IGF2BP3: variants seen among roughly 807,000 people sequenced by gnomAD.
IGF2BP3 encodes the protein insulin like growth factor 2 mRNA binding protein 3.
In IGF2BP3, 9 loss-of-function variants were observed where a neutral mutation model predicts 73.8. The ratio of observed to expected loss-of-function variants is 0.12; its 90% CI spans 0.07 to 0.21. The LOEUF (loss-of-function observed/expected upper bound fraction) is 0.21. Among genes scored for constraint, IGF2BP3 ranks in the 10% least tolerant of loss-of-function variants. The probability of loss-of-function intolerance (pLI) is 1.00; values close to 1 mark genes in which losing one functional copy is unlikely to be tolerated. For missense variants in IGF2BP3, 542 were observed against 714.0 expected (o/e 0.76, Z 2.75); for synonymous variants, 258 against 256.7 (o/e 1.01, Z -0.05).
chr7:23,335,986 G>C lies in IGF2BP3; in HGVS notation c.1203+6078C>G, dbSNP rs1350011479. The stretch of plus-strand genomic sequence containing the variant: ...TTGGAAGAACCAACTCTTTGGCTCT[G>C]GGGAGACTCAACCTGGCAAGTTCTG... On this transcript the variant is annotated intron_variant, in intron 10 of 14. Coordinates refer to ENST00000258729, the MANE Select transcript of IGF2BP3 (RefSeq NM_006547.3). Among the ~76,000 whole-genome samples, 6 of 152,280 alleles carry C rather than the reference G, an allele frequency of 3.9e-5. No homozygotes were observed. The East Asian group carries it at 1.2e-3, about 29-fold the overall frequency.
chr7:23,397,109 A>C (rs965901393), intron 3 of IGF2BP3, among the ~76,000 whole-genome samples: 1 of 152,206 alleles, frequency 6.6e-6, no homozygotes, highest in Non-Finnish European at 1.5e-5. Flanking sequence ...AATGAAAAGT[A>C]TGTCTCCAGG....
At chr7:23,398,895 C>A (rs1426079639) in intron 3 of IGF2BP3, among the ~76,000 whole-genome samples, 1 of 152,154 alleles carries the variant, frequency 6.6e-6, no homozygotes, top group Non-Finnish European at 1.5e-5. Context: ...TTTTGTTGTG[C>A]AGAAGCTCTT....
rs907975319 is a variant in IGF2BP3, at chr7:23,469,848, G to A, written c.175+88C>T. ...CACCCCCGCTCCCCCAGCGCGCCGG[G>A]CCTGGGGCCCGCGGAGCCACCCGGT... On this transcript the variant is annotated intron_variant, in intron 1 of 14. Coordinates refer to ENST00000258729, the MANE Select transcript of IGF2BP3 (RefSeq NM_006547.3). This position sits in a 1 kb window ranked among gnomAD's most constrained non-coding sequence, Gnocchi z 6.1. 70 of 925,848 alleles carry A rather than the reference G, an allele frequency of 7.6e-5. No homozygotes were observed. The highest frequency in any genetic ancestry group is 8.8e-5 in the Non-Finnish European group (62 of 705,642). 57.4% of individuals were successfully genotyped at this position (925,848 alleles called of 1,614,324 possible).
chr7:23,398,799 CTGGATA>C (rs1583991647), intron 3 of IGF2BP3, among the ~76,000 whole-genome samples: 1 of 152,116 alleles, frequency 6.6e-6, no homozygotes, highest in Admixed American at 6.5e-5. Context: ...ATTGTAGATT[CTGGATA>C]TTAGCCCTTT....
chr7:23,333,768 C>T (rs1191169756), intron 10 of IGF2BP3, among the ~76,000 whole-genome samples: 1 of 152,166 alleles, frequency 6.6e-6, no homozygotes, highest in Non-Finnish European at 1.5e-5. Context: ...GGAGATGCTG[C>T]CCTAGAATGA....
chr7:23,323,101 G>C (rs539570883), intron 10 of IGF2BP3, among the ~76,000 whole-genome samples: 73 of 152,158 alleles, frequency 4.8e-4, no homozygotes, highest in South Asian at 2.5e-3. Context: ...TGGACTAAAT[G>C]CTCCAATTAA....
At chr7:23,343,008 A>G (rs368623479) in intron 9 of IGF2BP3, among the ~76,000 whole-genome samples, 9 of 152,202 alleles carry the variant, frequency 5.9e-5, no homozygotes, top group Non-Finnish European at 1.2e-4. Context: ...GACTGGCCCA[A>G]TTGAAAAAAA....
intron 3 of IGF2BP3, among the ~76,000 whole-genome samples, chr7:23,384,095 C>CAAAAAAA (rs35378177): frequency 9.6e-5 from 6 of 62,520 alleles, no homozygotes; most frequent in Non-Finnish European, 1.1e-4. Flanking sequence ...GACTCCATCT[C>CAAAAAAA]AAAAAAAAAA....
At chr7:23,463,698 G>A (rs75412911) in intron 2 of IGF2BP3, among the ~76,000 whole-genome samples, 2,953 of 152,232 alleles carry the variant, frequency 0.019, 98 homozygotes, top group African/African-American at 0.068. Context: ...TCATGTTTCC[G>A]TAACATCTTC....
intron 3 of IGF2BP3, among the ~76,000 whole-genome samples, chr7:23,399,273 C>G (rs1386478528): frequency 1.3e-5 from 2 of 152,096 alleles, no homozygotes; most frequent in Non-Finnish European, 1.5e-5. Flanking sequence ...ATCTATACCT[C>G]TGTTTTGGTA....
chr7:23,395,942 A>C (rs377718408), intron 3 of IGF2BP3, among the ~76,000 whole-genome samples: 2 of 151,968 alleles, frequency 1.3e-5, no homozygotes, highest in Non-Finnish European at 2.9e-5. Flanking sequence ...AGAAGAAAAT[A>C]ACAAAAATAC....
chr7:23,426,837 T>A (rs1372189119), intron 2 of IGF2BP3, among the ~76,000 whole-genome samples: 4 of 152,338 alleles, frequency 2.6e-5, no homozygotes, highest in Non-Finnish European at 5.9e-5. Flanking sequence ...ACCCACTATT[T>A]CATTCAAGGT....
intron 12 of IGF2BP3, among the ~76,000 whole-genome samples, chr7:23,316,487 T>G (rs1321379711): frequency 6.6e-6 from 1 of 151,940 alleles, no homozygotes. Flanking sequence ...TTTGAGTGTG[T>G]GGCCAACATG....
intron 10 of IGF2BP3, among the ~76,000 whole-genome samples, chr7:23,324,771 A>G (rs372665647): frequency 5.6e-5 from 6 of 107,958 alleles, no homozygotes; most frequent in East Asian, 2.4e-4. Flanking sequence ...TTCAATATAC[A>G]CAAATCAATA....
At chr7:23,326,310 G>C (rs1053961450) in intron 10 of IGF2BP3, among the ~76,000 whole-genome samples, 4 of 152,144 alleles carry the variant, frequency 2.6e-5, no homozygotes, top group African/African-American at 9.7e-5. Context: ...AAACACACAT[G>C]AAAAAATGCT....
At chr7:23,446,512 G>A (rs532512639) in intron 2 of IGF2BP3, among the ~76,000 whole-genome samples, 6 of 152,236 alleles carry the variant, frequency 3.9e-5, no homozygotes, top group East Asian at 3.9e-4. Context: ...AGCCGAGATC[G>A]CACCACTGCA....
chr7:23,347,275 G>A (rs1005293367), intron 7 of IGF2BP3, among the ~76,000 whole-genome samples: 4 of 152,134 alleles, frequency 2.6e-5, no homozygotes, highest in African/African-American at 9.7e-5. Context: ...AATGAGCTCC[G>A]AGTAAAGGAT....
intron 10 of IGF2BP3, among the ~76,000 whole-genome samples, chr7:23,340,908 G>A (rs531189910): frequency 1.3e-5 from 2 of 149,174 alleles, no homozygotes; most frequent in South Asian, 2.1e-4. Flanking sequence ...GGAGTGCAAT[G>A]GCGCAATCTC....
chr7:23,445,293 C>A (rs1788033375), intron 2 of IGF2BP3, among the ~76,000 whole-genome samples: 1 of 152,154 alleles, frequency 6.6e-6, no homozygotes, highest in African/African-American at 2.4e-5. Flanking sequence ...TTAGAGAAAA[C>A]TACTTTTACT....
Sources: allele counts gnomAD v4.1 joint callset (sites outside exome capture counted in the v4.1 genomes callset), GRCh38; gene constraint gnomAD v4.1.1; non-coding constraint Gnocchi (gnomAD v3.1); transcripts MANE v1.5; gene names NCBI Gene and HGNC (gene_info 2026-07-23, HGNC 2026-07-21).